Variants in SPEF2 observed in about 807,000 individuals in gnomAD.
SPEF2 encodes sperm flagellar and cilia associated 2, also known as sperm flagella and cilia-associated protein 2.
Under a neutral mutation model 224.6 loss-of-function variants are expected in SPEF2, and 187 were observed. The ratio of observed to expected loss-of-function variants is 0.83; its 90% CI spans 0.74 to 0.94. The LOEUF is 0.94. SPEF2 is among the 40% of genes least tolerant of loss of function. The pLI, the probability that SPEF2 is intolerant of heterozygous loss-of-function variation, is 0.00. For synonymous variants in SPEF2, 715 were observed against 707.3 expected (o/e 1.01, Z -0.17); for missense variants, 2,170 against 2,135.6 (o/e 1.02, Z -0.32).
rs756147537 is a variant in SPEF2, at chr5:35,739,936, AG to A, written c.3082del (p.Val1028TyrfsTer6). The A allele has an allele frequency of 6.2e-7, 1 of 1,613,568 alleles. No individual in the cohort carries two copies. Among genetic ancestry groups the A allele is most frequent in the Non-Finnish European group, 8.5e-7 (1 of 1,179,884 alleles). On this transcript the variant is annotated frameshift_variant, in exon 22 of 37. Coordinates refer to ENST00000356031, the MANE Select transcript of SPEF2 (RefSeq NM_024867.4). LOFTEE classifies it high-confidence loss of function. The part of the protein sequence containing the change: ...PVPEEMPLFL[V>X]PYWELIENSY... ...TTTAACAGGAAATGCCTTTGTTTTT[AG>A]TACCTTACTGGGAACTAATAGAAAA...
At position 35,806,577 on chromosome 5, in the gene SPEF2, G is replaced by T; in HGVS notation, c.5011-130G>T. 1.4e-5 allele frequency: 16 copies of T among 1,157,826 alleles called. No individual in the cohort carries two copies. In the South Asian group the frequency reaches 2.3e-4, roughly 17 times the overall value. The allele number at this position is 1,157,826 out of a possible 1,614,324, so 71.7% of individuals were successfully genotyped here. A position where few individuals can be genotyped will look rare whatever the true frequency, so the allele number is the denominator to read the frequency against. On this transcript the variant is annotated intron_variant, in intron 34 of 36. Coordinates refer to ENST00000356031, the MANE Select transcript of SPEF2 (RefSeq NM_024867.4). ...AGCTAGTGTATTCTCCTCTAGACTG[G>T]TTAGCTAGTTTGTGGTAGGCTCTGT... is the stretch of plus-strand genomic sequence containing the variant.
At chr5:35,737,582 A>G (rs1746836785) in intron 21 of SPEF2, among the ~76,000 whole-genome samples, 1 of 152,088 alleles carries the variant, frequency 6.6e-6, no homozygotes, top group Non-Finnish European at 1.5e-5. Context: ...CATGGTGTAT[A>G]TGTGCAAAAT....
intron 6 of SPEF2, among the ~76,000 whole-genome samples, chr5:35,650,493 A>G (rs1417060888): frequency 1.3e-5 from 2 of 152,112 alleles, no homozygotes; most frequent in Non-Finnish European, 2.9e-5. Context: ...CTCTCTAACC[A>G]TAGGCTCTGT....
In SPEF2 at chr5:35,751,066, T is replaced by TATAC. The variant is rs70973059; in HGVS notation, c.3331-2558_3331-2557insATAC. On this transcript the variant is annotated intron_variant, in intron 23 of 36. Coordinates refer to ENST00000356031, the MANE Select transcript of SPEF2 (RefSeq NM_024867.4). ...ATGTATATATATATACGTATATATA[T>TATAC]GTATATATATATACACACACACACA... 7.8e-3 allele frequency among the ~76,000 whole-genome samples: 255 copies of TATAC among 32,504 alleles called. 45 individuals are homozygous for TATAC. Among genetic ancestry groups the TATAC allele is most frequent in the Non-Finnish European group, 9.0e-3 (149 of 16,518 alleles). 21.3% of individuals were successfully genotyped at this position (32,504 alleles called of 152,430 possible).
At chr5:35,788,775 A>G (rs914759849) in intron 30 of SPEF2, 5 of 702,916 alleles carry the variant, frequency 7.1e-6, no homozygotes, top group Non-Finnish European at 1.3e-5. Flanking sequence ...TTTGCACATC[A>G]CCTTGAACTA....
intron 10 of SPEF2, among the ~76,000 whole-genome samples, chr5:35,689,063 T>C (rs1204667737): frequency 6.6e-6 from 1 of 152,176 alleles, no homozygotes; most frequent in Admixed American, 6.5e-5. Flanking sequence ...TTCTGTACTC[T>C]AGAAGACTTT....
intron 2 of SPEF2, among the ~76,000 whole-genome samples, chr5:35,637,560 A>G (rs1023866113): frequency 3.3e-5 from 5 of 152,174 alleles, no homozygotes; most frequent in South Asian, 2.1e-4. Flanking sequence ...AGTTGTACAT[A>G]TAGCAACTGT....
chr5:35,661,254 TTATATATATATATATATATATATATA>T (rs550178866), intron 8 of SPEF2, among the ~76,000 whole-genome samples: 1,821 of 94,010 alleles, frequency 0.019, 56 homozygotes, highest in South Asian at 0.069. Context: ...TTGGTATATA[TTATATATATATATATATATATATATA>T]TATATATATA....
chr5:35,716,582 T>C (rs1742625176), intron 20 of SPEF2, among the ~76,000 whole-genome samples: 1 of 152,154 alleles, frequency 6.6e-6, no homozygotes, highest in East Asian at 1.9e-4. Context: ...TTAGCTCAAA[T>C]TAACTACAAA....
chr5:35,709,584 C>A, intron 19 of SPEF2: 1 of 986,292 alleles, frequency 1.0e-6, no homozygotes, highest in Non-Finnish European at 1.2e-6. Flanking sequence ...AATTGTAAAT[C>A]TTCAGGACTA....
intron 10 of SPEF2, chr5:35,671,546 T>G: frequency 1.0e-6 from 1 of 980,446 alleles, no homozygotes; most frequent in South Asian, 4.7e-5. Context: ...TTCTTTCCAT[T>G]GTAAATTAAA....
intron 10 of SPEF2, among the ~76,000 whole-genome samples, chr5:35,673,787 G>T (rs918039550): frequency 1.3e-5 from 2 of 151,998 alleles, no homozygotes; most frequent in Admixed American, 6.6e-5. Context: ...ATTATTTTTG[G>T]CTTATGATTT....
intron 23 of SPEF2, among the ~76,000 whole-genome samples, chr5:35,752,867 G>GAT (rs1749872289): frequency 6.6e-6 from 1 of 151,076 alleles, no homozygotes; most frequent in Non-Finnish European, 1.5e-5. Flanking sequence ...CTTATGTTCC[G>GAT]ACACATAGAT....
chr5:35,756,963 A>C (rs1031597476), intron 24 of SPEF2, among the ~76,000 whole-genome samples: 3 of 149,604 alleles, frequency 2.0e-5, no homozygotes, highest in African/African-American at 4.8e-5. Flanking sequence ...AGTTTTCTAC[A>C]AAATGTATTT....
chr5:35,813,584 G>A (rs540246208), intron 36 of SPEF2, among the ~76,000 whole-genome samples: 3 of 152,270 alleles, frequency 2.0e-5, no homozygotes, highest in Admixed American at 6.5e-5. Context: ...GGTTCACTTA[G>A]CATTGACCTT....
chr5:35,738,407 G>T (rs1202429320), intron 21 of SPEF2, among the ~76,000 whole-genome samples: 4 of 151,486 alleles, frequency 2.6e-5, no homozygotes, highest in Non-Finnish European at 5.9e-5. Flanking sequence ...GTAAGGAAGG[G>T]ATCCAGTTTC....
At chr5:35,713,866 G>T (rs1741815523) in intron 20 of SPEF2, among the ~76,000 whole-genome samples, 1 of 1,050 alleles carries the variant, frequency 9.5e-4, no homozygotes, top group Non-Finnish European at 3.4e-3. Context: ...ATTATATATA[G>T]TATTATATAT....
chr5:35,792,518 A>C, intron 31 of SPEF2, 72 bp downstream of exon 31: 1 of 1,241,178 alleles, frequency 8.1e-7, no homozygotes, highest in Non-Finnish European at 1.2e-6. Flanking sequence ...ATAGTTCTAA[A>C]ATAATGAGTA....
intron 16 of SPEF2, chr5:35,702,274 A>G (rs1738797118): frequency 4.4e-6 from 2 of 456,094 alleles, no homozygotes; most frequent in African/African-American, 2.0e-5. Context: ...AACACACTAC[A>G]TCCAAAGCCA....
Sources: gnomAD v4.1 joint callset for allele counts (sites outside exome capture counted in the v4.1 genomes callset) on GRCh38, gnomAD v4.1.1 for gene constraint, MANE v1.5 for transcripts, NCBI Gene and HGNC (gene_info 2026-07-23, HGNC 2026-07-21) for gene names.